Variants in SLC15A5 observed in about 807,000 individuals in gnomAD.
The protein encoded by SLC15A5 is solute carrier family 15 member 5, also known as Peptide/histidine transporter ENSP00000340402.
A neutral mutation model predicts 56.1 loss-of-function variants in SLC15A5; 58 were observed. That is an observed-to-expected ratio of 1.03 (90% confidence interval 0.84 to 1.29). The LOEUF (loss-of-function observed/expected upper bound fraction) is 1.29. Ranked by LOEUF, SLC15A5 falls within the 50% of genes most tolerant of loss-of-function variation. SLC15A5 has a pLI of 0.00. For synonymous variants in SLC15A5, 264 were observed against 250.5 expected, an observed-to-expected ratio of 1.05 and a Z score of -0.51; for missense variants, 681 against 672.1, an observed-to-expected ratio of 1.01 and a Z score of -0.15.
intron 3 of SLC15A5, among the ~76,000 whole-genome samples, chr12:16,251,809 A>T (rs1033930723): frequency 6.6e-6 from 1 of 151,934 alleles, no homozygotes. Context: ...AACATTCCCA[A>T]CTATTCTGAG....
chr12:16,240,926 C>T (rs541045168), intron 4 of SLC15A5, among the ~76,000 whole-genome samples: 10 of 152,204 alleles, frequency 6.6e-5, no homozygotes, highest in African/African-American at 2.4e-4. Flanking sequence ...CATTCTCCTG[C>T]CTCAGCCTTC....
chr12:16,246,095 C>T (rs563252549), intron 3 of SLC15A5, among the ~76,000 whole-genome samples: 1 of 152,160 alleles, frequency 6.6e-6, no homozygotes, highest in African/African-American at 2.4e-5. Context: ...AGAATGATTA[C>T]AGCTGTGGCT....
rs754927599 is a variant in SLC15A5 at position 16,216,934 on chromosome 12, G to C, written c.1442C>G (p.Thr481Arg). ...TACCAACTTCACCAGCAGTGCCCCT[G>C]TGAAACAGCCAAATCCATTGAACAG... ...LTLFNGFGCF[T>R]GALLVKLVYL... Residue 481 changes from threonine (T) to arginine (R), a missense_variant, in exon 7 of 9, where the codon ACA becomes AGA. By Grantham distance (71) the Thr-to-Arg change is moderately conservative. Coordinates refer to ENST00000344941, the MANE Select transcript of SLC15A5 (RefSeq NM_001170798.1). The C allele has an allele frequency of 3.0e-4, 463 of 1,536,750 alleles. No homozygotes were observed. The highest frequency in any genetic ancestry group is 3.8e-4 in the Non-Finnish European group (434 of 1,146,656).
At chr12:16,268,463 C>T (rs1864717275) in intron 2 of SLC15A5, among the ~76,000 whole-genome samples, 1 of 152,210 alleles carries the variant, frequency 6.6e-6, no homozygotes, top group Non-Finnish European at 1.5e-5. Flanking sequence ...CAAGCTACTA[C>T]TCCTCAGCAT....
Position 16,222,156 on chromosome 12 carries a change from G to A in SLC15A5, c.1351+2258C>T, listed in dbSNP as rs74065812. On this transcript the variant is annotated intron_variant, in intron 6 of 8. Transcript: ENST00000344941. ...ATGCTGTCTATATACGGGGCACTGC[G>A]GTTTTTGCTTTACATAAAATCTTCC... Among the ~76,000 whole-genome samples, 178 of 152,206 alleles carry A rather than the reference G, an allele frequency of 1.2e-3. 2 individuals carry two copies. Among genetic ancestry groups the A allele is most frequent in the African/African-American group, 3.7e-3 (153 of 41,530 alleles).
intron 7 of SLC15A5, among the ~76,000 whole-genome samples, chr12:16,198,431 T>C (rs1443014459): frequency 2.0e-5 from 3 of 152,148 alleles, no homozygotes; most frequent in Non-Finnish European, 4.4e-5. Flanking sequence ...TGTAGAATCA[T>C]CTAGACTCAC....
intron 2 of SLC15A5, among the ~76,000 whole-genome samples, chr12:16,262,773 G>A (rs145369236): frequency 4.5e-4 from 69 of 152,258 alleles, no homozygotes; most frequent in Admixed American, 7.2e-4. Flanking sequence ...TGATGCTCTC[G>A]TGATAGCGAA....
intron 3 of SLC15A5, among the ~76,000 whole-genome samples, chr12:16,253,038 GA>G (rs1202429470): frequency 6.6e-5 from 9 of 136,084 alleles, no homozygotes; most frequent in African/African-American, 2.1e-4. Flanking sequence ...ACGTAAGGGG[GA>G]AAGGACAGTC....
intron 3 of SLC15A5, among the ~76,000 whole-genome samples, chr12:16,257,045 A>G (rs1591657948): frequency 6.6e-6 from 1 of 152,076 alleles, no homozygotes. Context: ...TTCAAAAAGG[A>G]AACAATTGGA....
At chr12:16,197,980 C>T (rs1863911838) in intron 7 of SLC15A5, among the ~76,000 whole-genome samples, 1 of 152,072 alleles carries the variant, frequency 6.6e-6, no homozygotes, top group Non-Finnish European at 1.5e-5. Context: ...TAGAATGAGG[C>T]TAACTAAACT....
At chr12:16,211,233 T>G (rs1170749565) in intron 7 of SLC15A5, among the ~76,000 whole-genome samples, 1 of 152,252 alleles carries the variant, frequency 6.6e-6, no homozygotes, top group Non-Finnish European at 1.5e-5. Flanking sequence ...CTTTTCCAGA[T>G]GCATAAATAT....
At chr12:16,215,728 T>C (rs1211005163) in intron 7 of SLC15A5, among the ~76,000 whole-genome samples, 2 of 152,214 alleles carry the variant, frequency 1.3e-5, no homozygotes, top group African/African-American at 4.8e-5. Context: ...CTTAATTTTC[T>C]CAGATAAGTA....
At chr12:16,277,110 T>G (rs1190667488) in intron 1 of SLC15A5, among the ~76,000 whole-genome samples, 1 of 81,864 alleles carries the variant, frequency 1.2e-5, no homozygotes, top group African/African-American at 6.9e-5. Context: ...TGCAATGATA[T>G]AGGCACAAAA....
chr12:16,248,275 A>G (rs1312201668), intron 3 of SLC15A5, among the ~76,000 whole-genome samples: 1 of 152,136 alleles, frequency 6.6e-6, no homozygotes, highest in Non-Finnish European at 1.5e-5. Flanking sequence ...GGTCAATATA[A>G]CATTGAGTGG....
At position 16,239,730 on chromosome 12, in the gene SLC15A5, G is replaced by T. The variant is rs1294534018; in HGVS notation, c.1113C>A (p.Thr371=). The change falls in exon 5 of 9, where the codon ACC becomes ACA. Residue 371 remains threonine (T), a synonymous_variant. Coordinates refer to ENST00000344941, the MANE Select transcript of SLC15A5 (RefSeq NM_001170798.1). ...CAACTCTCTTAGAGGGAAACAGGCA[G>T]GTGCTGAAATACTCCAGAAAAGGAG... is the stretch of plus-strand genomic sequence containing the variant. ...ILAPFLEYFS[T]CLFPSKRVGS... The T allele has an allele frequency of 3.9e-6, 6 of 1,537,248 alleles. No homozygotes were observed. The highest frequency in any genetic ancestry group is 5.2e-6 in the Non-Finnish European group (6 of 1,146,936).
chr12:16,214,778 T>C (rs1294227787), intron 7 of SLC15A5, among the ~76,000 whole-genome samples: 3 of 152,186 alleles, frequency 2.0e-5, no homozygotes, highest in Non-Finnish European at 2.9e-5. Context: ...ATTGTACTTT[T>C]CTAAGTTCTG....
chr12:16,205,995 C>G (rs1046812046), intron 7 of SLC15A5, among the ~76,000 whole-genome samples: 3 of 152,018 alleles, frequency 2.0e-5, no homozygotes, highest in Non-Finnish European at 4.4e-5. Flanking sequence ...CCAAAATTGT[C>G]GAGACAAAAC....
At chr12:16,274,484 A>G (rs141732169) in intron 1 of SLC15A5, among the ~76,000 whole-genome samples, 2 of 152,262 alleles carry the variant, frequency 1.3e-5, no homozygotes, top group East Asian at 3.9e-4. Flanking sequence ...TAAATTCCTT[A>G]CAGATAAAAA....
intron 7 of SLC15A5, among the ~76,000 whole-genome samples, chr12:16,214,539 A>T (rs560170296): frequency 6.6e-6 from 1 of 152,158 alleles, no homozygotes; most frequent in Non-Finnish European, 1.5e-5. Flanking sequence ...GAGGGTGGAG[A>T]CTGAGCTCAC....
Sources: gnomAD v4.1 joint callset for allele counts (sites outside exome capture counted in the v4.1 genomes callset) on GRCh38, gnomAD v4.1.1 for gene constraint, MANE v1.5 for transcripts, NCBI Gene and HGNC (gene_info 2026-07-23, HGNC 2026-07-21) for gene names.